ATP6V1C2: variants seen among roughly 807,000 people sequenced by gnomAD.
The protein encoded by ATP6V1C2 is V-type proton ATPase subunit C 2.
Under a neutral mutation model 56.8 loss-of-function variants are expected in ATP6V1C2, and 45 were observed. The observed-to-expected ratio is 0.79, with a 90% CI of 0.62 to 1.02. The LOEUF is 1.02. ATP6V1C2 is among the 50% of genes least tolerant of loss of function. The probability of loss-of-function intolerance (pLI) is 0.00; values close to 1 mark genes in which losing one functional copy is unlikely to be tolerated. For synonymous variants in ATP6V1C2, 220 were observed against 201.3 expected (o/e 1.09, Z -0.79); for missense variants, 463 against 519.7 (o/e 0.89, Z 1.06).
At chr2:10,771,704 C>T (rs1200059270) in intron 6 of ATP6V1C2, 135 bp from the exon 7 acceptor site, 1 of 718,150 alleles carries the variant, frequency 1.4e-6, no homozygotes, top group African/African-American at 1.7e-5. Flanking sequence ...TTGCTGTGTT[C>T]TCCTAGGCTC....
intron 8 of ATP6V1C2, among the ~76,000 whole-genome samples, chr2:10,773,953 T>C (rs926003491): frequency 6.6e-6 from 1 of 152,210 alleles, no homozygotes; most frequent in African/African-American, 2.4e-5. Flanking sequence ...AGCAAGGCTC[T>C]GGAGCAGAGG....
intron 4 of ATP6V1C2, among the ~76,000 whole-genome samples, chr2:10,755,431 C>G (rs914820526): frequency 6.6e-5 from 10 of 152,240 alleles, no homozygotes; most frequent in Admixed American, 6.5e-4. Context: ...ATCCTCCTGC[C>G]TTGGCCTCCC....
chr2:10,763,359 C>T lies in ATP6V1C2; in HGVS notation c.284-972C>T, dbSNP rs575917776. ...GAGGAGCCGGCGCCAGCTCTTTGTC[C>T]TCCCTTAGCACTCTAGGCGGTTATC... On this transcript the variant is annotated intron_variant, in intron 4 of 13. Coordinates refer to ENST00000272238, the MANE Select transcript of ATP6V1C2 (RefSeq NM_001039362.2). This position sits in a 1 kb window ranked among gnomAD's most constrained non-coding sequence, Gnocchi z 4.2. 2.0e-5 allele frequency among the ~76,000 whole-genome samples: 3 copies of T among 152,278 alleles called. No homozygotes were observed. The highest frequency in any genetic ancestry group is 7.2e-5 in the African/African-American group (3 of 41,570).
chr2:10,751,683 T>C (rs981678754), intron 3 of ATP6V1C2, among the ~76,000 whole-genome samples: 3 of 152,170 alleles, frequency 2.0e-5, no homozygotes, highest in African/African-American at 7.2e-5. Context: ...TGGGCCTCAG[T>C]TTCTCCATCT....
rs562714371 is a variant in ATP6V1C2, at chr2:10,784,390, T to C, written c.*1127T>C. ...GGGGACACCCTGGAAGGTCAACATC[T>C]CATTTTATGGAAGAGCGACTCTCTG... On this transcript the variant is annotated 3_prime_UTR_variant, in exon 14 of 14. Coordinates refer to ENST00000272238, the MANE Select transcript of ATP6V1C2 (RefSeq NM_001039362.2). The C allele has an allele frequency of 1.6e-5, 22 of 1,336,474 alleles. No homozygotes were observed. In the African/African-American group the frequency reaches 2.3e-4, roughly 14 times the overall value. 82.8% of individuals were successfully genotyped at this position (1,336,474 alleles called of 1,614,324 possible).
At chr2:10,776,266 CGT>C (rs60750436) in intron 10 of ATP6V1C2, among the ~76,000 whole-genome samples, 9,095 of 151,100 alleles carry the variant, frequency 0.06, 769 homozygotes, top group African/African-American at 0.19. Context: ...CGCTCACACA[CGT>C]GTGTGTGTGT....
chr2:10,723,006 G>A, intron 2 of ATP6V1C2, 28 bp downstream of exon 2: 1 of 1,613,048 alleles, frequency 6.2e-7, no homozygotes, highest in Non-Finnish European at 8.5e-7. Flanking sequence ...GAGTGAAAAA[G>A]GGATGGATTG....
At chr2:10,721,170 C>T (rs10929692), upstream of ATP6V1C2, among the ~76,000 whole-genome samples, 51,306 of 152,078 alleles carry the variant, frequency 0.34, 9,823 homozygotes, top group Non-Finnish European at 0.43. Flanking sequence ...TGCGCGGCTC[C>T]CCACAGGTGG....
intron 2 of ATP6V1C2, among the ~76,000 whole-genome samples, chr2:10,724,190 C>A (rs1021589375): frequency 6.6e-6 from 1 of 152,240 alleles, no homozygotes; most frequent in African/African-American, 2.4e-5. Context: ...ATGGCACTGA[C>A]TGCCCAGCAT....
chr2:10,775,038 G>A lies in ATP6V1C2; in HGVS notation c.792G>A (p.Met264Ile), dbSNP rs147194580. ...AAATTGAAAGGGAAAGGGAGGAGAT[G>A]GCCAGATTGCTGTCTGATAAGAAGC... is the stretch of plus-strand genomic sequence containing the variant. ...EKEIEREREE[M>I]ARLLSDKKQQ... Residue 264 changes from methionine (M) to isoleucine (I), a missense_variant, in exon 10 of 14, where the codon ATG (methionine) becomes ATA (isoleucine). Coordinates refer to ENST00000272238, the MANE Select transcript of ATP6V1C2 (RefSeq NM_001039362.2). 1.6e-4 allele frequency: 262 copies of A among 1,613,982 alleles called. No individual in the cohort carries two copies. The highest frequency in any genetic ancestry group is 3.4e-4 in the South Asian group (31 of 91,088).
intron 3 of ATP6V1C2, among the ~76,000 whole-genome samples, chr2:10,736,736 CTGAG>C (rs1662267775): frequency 6.8e-6 from 1 of 148,056 alleles, no homozygotes; most frequent in South Asian, 2.1e-4. Flanking sequence ...GAAGTTTTCT[CTGAG>C]TGTTATATAA....
intron 3 of ATP6V1C2, among the ~76,000 whole-genome samples, chr2:10,745,752 A>G (rs915373248): frequency 2.0e-5 from 3 of 152,150 alleles, no homozygotes; most frequent in South Asian, 2.1e-4. Context: ...CTGAAACTGT[A>G]TTCATTAAAC....
At chr2:10,738,325 A>C (rs1662367560) in intron 3 of ATP6V1C2, among the ~76,000 whole-genome samples, 1 of 152,080 alleles carries the variant, frequency 6.6e-6, no homozygotes, top group African/African-American at 2.4e-5. Flanking sequence ...GGTCTCCAGT[A>C]TCTGCCAGGC....
rs779931910 is a variant in ATP6V1C2 at position 10,753,968 on chromosome 2, T to C, written c.198-13T>C. 64 of 1,594,340 alleles carry C rather than the reference T, an allele frequency of 4.0e-5. No individual in the cohort carries two copies. The highest frequency in any genetic ancestry group is 5.2e-5 in the Non-Finnish European group (61 of 1,168,274). ...TCCTACTCTAACCGGCTCTTTTTCTTCTCTCTCCAAAGCCTCATAAGGAGA... is the reference window on the plus strand; with the variant it reads ...TCCTACTCTAACCGGCTCTTTTTCTCCTCTCTCCAAAGCCTCATAAGGAGA... On this transcript the variant is annotated splice_polypyrimidine_tract_variant and intron_variant, in intron 3 of 13. Transcript: ENST00000272238.
At chr2:10,723,204 A>G (rs1661454897) in intron 2 of ATP6V1C2, among the ~76,000 whole-genome samples, 1 of 152,208 alleles carries the variant, frequency 6.6e-6, no homozygotes, top group Non-Finnish European at 1.5e-5. Flanking sequence ...AGCCACAGGA[A>G]GGAATGAACA....
In ATP6V1C2 at chr2:10,780,573, C is replaced by A. The variant is rs1665284770; in HGVS notation, c.1062-1670C>A. Among the ~76,000 whole-genome samples the A allele has an allele frequency of 6.6e-6, 1 of 152,224 alleles. No individual in the cohort carries two copies. Among genetic ancestry groups the A allele is most frequent in the Non-Finnish European group, 1.5e-5 (1 of 68,042 alleles). ...TTGGGTTGGAGGGTGTACCCAGCTC[C>A]TGGGAGTGTTCTAGCCATCTCTAAT... On this transcript the variant is annotated intron_variant, in intron 12 of 13. Coordinates refer to ENST00000272238, the MANE Select transcript of ATP6V1C2 (RefSeq NM_001039362.2). The surrounding 1 kb of genome is among the most constrained non-coding windows in gnomAD (Gnocchi z 4.1).
chr2:10,758,575 C>A (rs1267196786), intron 4 of ATP6V1C2, among the ~76,000 whole-genome samples: 1 of 152,006 alleles, frequency 6.6e-6, no homozygotes, highest in Non-Finnish European at 1.5e-5. Flanking sequence ...CCAGCCTGGA[C>A]AACATAGCAA....
At chr2:10,768,556 C>T (rs2148489756) in intron 5 of ATP6V1C2, among the ~76,000 whole-genome samples, 163 bp from the exon 6 acceptor site, 1 of 152,330 alleles carries the variant, frequency 6.6e-6, no homozygotes, top group South Asian at 2.1e-4. Flanking sequence ...CACACAGGGG[C>T]TCCCTGGAAG....
At chr2:10,776,338 GAC>G (rs1285867548) in intron 10 of ATP6V1C2, among the ~76,000 whole-genome samples, 1 of 152,120 alleles carries the variant, frequency 6.6e-6, no homozygotes, top group African/African-American at 2.4e-5. Context: ...CAGCAAGTGA[GAC>G]ACACCTCAGA....
Sources: gnomAD v4.1 joint callset for allele counts (sites outside exome capture counted in the v4.1 genomes callset) on GRCh38, gnomAD v4.1.1 for gene constraint, Gnocchi (gnomAD v3.1) non-coding constraint, MANE v1.5 for transcripts, NCBI Gene and HGNC (gene_info 2026-07-23, HGNC 2026-07-21) for gene names.